Variants in DPP10 observed in about 807,000 individuals in gnomAD.
DPP10 encodes inactive dipeptidyl peptidase 10.
DPP10 carries 33 observed loss-of-function variants against 120.9 expected under a neutral mutation model. The ratio of observed to expected loss-of-function variants is 0.27; its 90% CI spans 0.21 to 0.37. The LOEUF (loss-of-function observed/expected upper bound fraction) is 0.37, where lower values mean the gene tolerates loss of function less well. DPP10 is among the 10% of genes least tolerant of loss of function. The pLI is 1.00. For synonymous variants in DPP10, 337 were observed against 326.1 expected, an observed-to-expected ratio of 1.03 and a Z score of -0.36; for missense variants, 816 against 942.8, an observed-to-expected ratio of 0.87 and a Z score of 1.76.
At chr2:115,586,262 G>A (rs2082283663) in intron 5 of DPP10, among the ~76,000 whole-genome samples, 1 of 152,274 alleles carries the variant, frequency 6.6e-6, no homozygotes, top group African/African-American at 2.4e-5. Flanking sequence ...AGGAGGTGGA[G>A]GTTGCAATGA....
At chr2:115,094,005 T>C (rs1709509037) in intron 1 of DPP10, among the ~76,000 whole-genome samples, 1 of 152,108 alleles carries the variant, frequency 6.6e-6, no homozygotes. Flanking sequence ...GTCATGTATA[T>C]CACAGTGTGA....
At chr2:114,863,360 T>C (rs1299915307) in intron 1 of DPP10, among the ~76,000 whole-genome samples, 1 of 152,210 alleles carries the variant, frequency 6.6e-6, no homozygotes, top group Non-Finnish European at 1.5e-5. Flanking sequence ...ATTTTCTTTA[T>C]TTCTAGGGTT....
intron 1 of DPP10, among the ~76,000 whole-genome samples, chr2:114,884,926 G>A (rs1362540922): frequency 6.6e-6 from 1 of 152,050 alleles, no homozygotes; most frequent in Non-Finnish European, 1.5e-5. Flanking sequence ...TTTAGACCTG[G>A]GTGACCATTG....
At chr2:115,826,532 C>T (rs1440321881) in intron 21 of DPP10, among the ~76,000 whole-genome samples, 2 of 151,992 alleles carry the variant, frequency 1.3e-5, no homozygotes, top group African/African-American at 2.4e-5. Context: ...ACCAGCCTGG[C>T]CAACGTGGTA....
intron 1 of DPP10, among the ~76,000 whole-genome samples, chr2:115,222,349 C>A (rs1453188365): frequency 6.6e-6 from 1 of 152,076 alleles, no homozygotes; most frequent in African/African-American, 2.4e-5. Flanking sequence ...ATGATTTGGC[C>A]ATGTCCCCAC....
chr2:114,923,635 C>T (rs181567631), intron 1 of DPP10, among the ~76,000 whole-genome samples: 2 of 151,656 alleles, frequency 1.3e-5, no homozygotes, highest in Non-Finnish European at 2.9e-5. Context: ...CCCGCCACCA[C>T]GCCTGGCTAA....
At chr2:115,588,869 C>A (rs2082452636) in intron 5 of DPP10, among the ~76,000 whole-genome samples, 1 of 152,060 alleles carries the variant, frequency 6.6e-6, no homozygotes, top group Admixed American at 6.6e-5. Context: ...ATAGTTAGGG[C>A]AAATAACAAT....
chr2:115,530,543 G>T (rs2078398595), intron 5 of DPP10, among the ~76,000 whole-genome samples: 1 of 151,994 alleles, frequency 6.6e-6, no homozygotes, highest in Non-Finnish European at 1.5e-5. Flanking sequence ...TTAGTTGGGT[G>T]TGGTGGCACA....
intron 3 of DPP10, among the ~76,000 whole-genome samples, chr2:115,380,356 C>T (rs1293841667): frequency 1.3e-5 from 2 of 152,102 alleles, no homozygotes; most frequent in African/African-American, 4.8e-5. Context: ...TATGTTTTAT[C>T]AGAGACTAGG....
intron 1 of DPP10, among the ~76,000 whole-genome samples, chr2:114,876,125 T>G (rs1008597075): frequency 1.2e-4 from 18 of 152,110 alleles, no homozygotes; most frequent in African/African-American, 4.3e-4. Flanking sequence ...GAGAATATAG[T>G]ATAATGAAAA....
intron 1 of DPP10, among the ~76,000 whole-genome samples, chr2:114,883,555 T>C (rs928149138): frequency 6.6e-6 from 1 of 152,194 alleles, no homozygotes. Context: ...CTCTGGCTCA[T>C]TTTTCCTGGC....
intron 2 of DPP10, chr2:115,342,076 G>A (rs186332732): frequency 1.6e-5 from 7 of 443,870 alleles, no homozygotes; most frequent in African/African-American, 4.0e-5. Context: ...ATTAGTGAGA[G>A]TTGGTCATTT....
In DPP10 at chr2:115,836,750, A is replaced by G. The variant is rs771300253; in HGVS notation, c.2182+4A>G. ...ATAATTCATGGAACTGCTGACAGTA[A>G]GTATTATACTTGCCGCTGCTGTTTG... On this transcript the variant is annotated splice_donor_region_variant and intron_variant, in intron 24 of 25. Coordinates refer to ENST00000410059, the MANE Select transcript of DPP10 (RefSeq NM_020868.6). 21 of 1,610,832 alleles carry G rather than the reference A, an allele frequency of 1.3e-5. No individual in the cohort carries two copies. The African/African-American group carries it at 2.5e-4, about 19-fold the overall frequency.
chr2:114,546,021 C>T (rs759246644), intron 1 of DPP10, among the ~76,000 whole-genome samples: 15 of 152,134 alleles, frequency 9.9e-5, no homozygotes, highest in Non-Finnish European at 1.8e-4. Context: ...TCCTTGGAAG[C>T]AGTTCTGTGT....
chr2:114,917,017 C>G (rs911746856), intron 1 of DPP10, among the ~76,000 whole-genome samples: 1 of 152,110 alleles, frequency 6.6e-6, no homozygotes, highest in Non-Finnish European at 1.5e-5. Flanking sequence ...TAGGAAGAGA[C>G]GAAGTCAAAC....
At chr2:114,686,269 GATA>G (rs1008832865) in intron 1 of DPP10, among the ~76,000 whole-genome samples, 2 of 151,888 alleles carry the variant, frequency 1.3e-5, no homozygotes, top group South Asian at 2.1e-4. Context: ...CTGTTTTTCA[GATA>G]ATAATAATAA....
intron 1 of DPP10, among the ~76,000 whole-genome samples, chr2:114,494,117 A>AAAAAAG (rs954550697): frequency 6.6e-6 from 1 of 150,852 alleles, no homozygotes; most frequent in Non-Finnish European, 1.5e-5. Flanking sequence ...AAAAAAAAAA[A>AAAAAAG]AAAACCCAGC....
chr2:115,546,364 A>C (rs1391262160), intron 5 of DPP10, among the ~76,000 whole-genome samples: 1 of 152,260 alleles, frequency 6.6e-6, no homozygotes, highest in Non-Finnish European at 1.5e-5. Context: ...CCTTATGCAT[A>C]TTCTGCAGTT....
At chr2:115,168,688 A>G (rs371565998) in intron 1 of DPP10, among the ~76,000 whole-genome samples, 8 of 152,308 alleles carry the variant, frequency 5.3e-5, no homozygotes, top group East Asian at 1.9e-4. Context: ...ACTACATATT[A>G]ACTCAAGGAA....
Sources: gnomAD v4.1 joint callset for allele counts (sites outside exome capture counted in the v4.1 genomes callset) on GRCh38, gnomAD v4.1.1 for gene constraint, MANE v1.5 for transcripts, NCBI Gene and HGNC (gene_info 2026-07-23, HGNC 2026-07-21) for gene names.